The following CACNA1C variants were observed in gnomAD, a reference collection of about 807,000 sequenced individuals.
CACNA1C encodes calcium voltage-gated channel subunit alpha1 C.
In CACNA1C, 30 loss-of-function variants were observed where a neutral mutation model predicts 229.0. The observed-to-expected ratio is 0.13, with a 90% CI of 0.10 to 0.18. The LOEUF is 0.18. Among genes scored for constraint, CACNA1C ranks in the 10% least tolerant of loss-of-function variants. The pLI is 1.00. For missense variants in CACNA1C, 1,658 were observed against 2,845.0 expected (o/e 0.58, Z 9.49); for synonymous variants, 1,114 against 1,132.5 (o/e 0.98, Z 0.33).
intron 7 of CACNA1C, among the ~76,000 whole-genome samples, chr12:2,503,766 T>G (rs1451999218): frequency 1.3e-5 from 2 of 152,206 alleles, no homozygotes; most frequent in African/African-American, 2.4e-5. Flanking sequence ...CATTCAGTAG[T>G]TACAGTCAGT....
intron 29 of CACNA1C, chr12:2,613,574 TC>T (rs1417693503): frequency 3.9e-5 from 6 of 152,202 alleles, no homozygotes; most frequent in Admixed American, 3.9e-4. Flanking sequence ...CTAAGGGACA[TC>T]CTTTGGTGAT....
intron 3 of CACNA1C, among the ~76,000 whole-genome samples, chr12:2,357,664 TAAAAAAAA>T (rs550833961): frequency 7.7e-6 from 1 of 129,946 alleles, no homozygotes; most frequent in South Asian, 2.5e-4. Context: ...TTTTTTTCCT[TAAAAAAAA>T]AAAAAAAAAA....
chr12:2,530,137 A>G (rs1173534263), intron 9 of CACNA1C, among the ~76,000 whole-genome samples: 4 of 152,264 alleles, frequency 2.6e-5, no homozygotes, highest in African/African-American at 9.6e-5. Context: ...GGTAATAAAT[A>G]GAGAACAGCA....
chr12:2,445,461 T>A (rs1278834013), intron 3 of CACNA1C, among the ~76,000 whole-genome samples: 1 of 152,178 alleles, frequency 6.6e-6, no homozygotes, highest in Non-Finnish European at 1.5e-5. Context: ...GTGGGACAGG[T>A]CCCTCTGGGT....
At chr12:2,075,266 G>A (rs1267808500) in intron 1 of CACNA1C, among the ~76,000 whole-genome samples, 1 of 152,136 alleles carries the variant, frequency 6.6e-6, no homozygotes, top group Non-Finnish European at 1.5e-5. Flanking sequence ...GGTGGCAGCC[G>A]CTCACTGGGT....
chr12:2,573,319 CA>C (rs892055792), intron 13 of CACNA1C, among the ~76,000 whole-genome samples: 7 of 152,266 alleles, frequency 4.6e-5, no homozygotes, highest in African/African-American at 1.4e-4. Flanking sequence ...CTTGCCCAGC[CA>C]AAAAACTTGA....
intron 42 of CACNA1C, among the ~76,000 whole-genome samples, chr12:2,680,168 C>A (rs561533311): frequency 6.6e-6 from 1 of 152,188 alleles, no homozygotes; most frequent in Non-Finnish European, 1.5e-5. Context: ...TTCTCCCAGC[C>A]GAGATGGGAA....
intron 5 of CACNA1C, among the ~76,000 whole-genome samples, chr12:2,485,685 C>T (rs1322255432): frequency 6.6e-6 from 1 of 152,100 alleles, no homozygotes; most frequent in Non-Finnish European, 1.5e-5. Context: ...TTTTCCAATC[C>T]CACCATGGGA....
At chr12:2,228,053 G>A (rs775892225) in intron 3 of CACNA1C, among the ~76,000 whole-genome samples, 5 of 152,162 alleles carry the variant, frequency 3.3e-5, no homozygotes, top group Non-Finnish European at 7.3e-5. Context: ...TAAAGGGGCA[G>A]CAGGAAGAAG....
At chr12:2,661,457 C>A (rs1039802744) in intron 34 of CACNA1C, among the ~76,000 whole-genome samples, 1 of 151,586 alleles carries the variant, frequency 6.6e-6, no homozygotes, top group Non-Finnish European at 1.5e-5. Flanking sequence ...ATAAAATTAT[C>A]TTAAGAATTA....
chr12:2,681,113 A>C lies in CACNA1C; in HGVS notation c.5444+1317A>C, dbSNP rs149204956. On this transcript the variant is annotated intron_variant, in intron 42 of 46. Transcript: ENST00000399655. ...CTCTGGCCTCATGAAGCTTCTGCTT[A>C]AGGAGGGCTCCACGTCCGTCTTTAG... 3.9e-3 allele frequency among the ~76,000 whole-genome samples: 591 copies of C among 152,196 alleles called. 2 individuals are homozygous for C. Among genetic ancestry groups the C allele is most frequent in the African/African-American group, 0.014 (565 of 41,512 alleles).
chr12:2,618,390 A>C (rs572130374), intron 29 of CACNA1C, among the ~76,000 whole-genome samples: 1 of 152,358 alleles, frequency 6.6e-6, no homozygotes, highest in East Asian at 1.9e-4. Context: ...ACCAAAGAAC[A>C]GGCTCCTGAA....
chr12:2,325,538 G>A (rs1171477077), intron 3 of CACNA1C, among the ~76,000 whole-genome samples: 1 of 152,254 alleles, frequency 6.6e-6, no homozygotes, highest in Non-Finnish European at 1.5e-5. Context: ...CTCGTTGTGT[G>A]AACTTGGACA....
At chr12:2,064,439 C>T (rs1343374695) in intron 1 of CACNA1C, among the ~76,000 whole-genome samples, 2 of 148,220 alleles carry the variant, frequency 1.3e-5, no homozygotes, top group Non-Finnish European at 2.9e-5. Flanking sequence ...GGGGAGGCAG[C>T]TCTGTGCTCT....
chr12:2,112,629 G>C (rs1372964987), intron 1 of CACNA1C, among the ~76,000 whole-genome samples: 2 of 152,140 alleles, frequency 1.3e-5, no homozygotes, highest in African/African-American at 4.8e-5. Flanking sequence ...GCCAGATGGC[G>C]GTAGAGCAGG....
At chr12:2,238,886 T>C (rs187713394) in intron 3 of CACNA1C, among the ~76,000 whole-genome samples, 1 of 152,344 alleles carries the variant, frequency 6.6e-6, no homozygotes, top group Non-Finnish European at 1.5e-5. Context: ...CCAGGGATTT[T>C]CATTTTGACT....
At chr12:2,432,236 C>A (rs1176944518) in intron 3 of CACNA1C, among the ~76,000 whole-genome samples, 3 of 152,146 alleles carry the variant, frequency 2.0e-5, no homozygotes, top group African/African-American at 7.2e-5. Flanking sequence ...GGAGGAGAGG[C>A]GAGTTAGCCC....
chr12:2,561,117 G>A (rs1302529091), intron 11 of CACNA1C, among the ~76,000 whole-genome samples: 1 of 152,168 alleles, frequency 6.6e-6, no homozygotes, highest in Non-Finnish European at 1.5e-5. Context: ...CCATCAGCCA[G>A]GGGTTCCCGT....
intron 5 of CACNA1C, among the ~76,000 whole-genome samples, chr12:2,466,124 G>A (rs1438243242): frequency 6.6e-6 from 1 of 152,142 alleles, no homozygotes; most frequent in African/African-American, 2.4e-5. Flanking sequence ...TGGCCACACT[G>A]ATTAGCAAGC....
Sources: allele counts gnomAD v4.1 joint callset (sites outside exome capture counted in the v4.1 genomes callset), GRCh38; gene constraint gnomAD v4.1.1; transcripts MANE v1.5; gene names NCBI Gene and HGNC (gene_info 2026-07-23, HGNC 2026-07-21).